The following MYO3B variants were observed in gnomAD, a reference collection of about 807,000 sequenced individuals.
MYO3B encodes the protein myosin-IIIb.
A neutral mutation model predicts 174.6 loss-of-function variants in MYO3B; 156 were observed. That is an observed-to-expected ratio of 0.89 (90% CI 0.78 to 1.02). The LOEUF is 1.02. MYO3B is among the 50% of genes least tolerant of loss of function. The probability of loss-of-function intolerance (pLI) is 0.00; values close to 1 mark genes in which losing one functional copy is unlikely to be tolerated. For missense variants in MYO3B, 1,632 were observed against 1,639.4 expected, an observed-to-expected ratio of 1.00 and a Z score of 0.08; for synonymous variants, 563 against 569.1, an observed-to-expected ratio of 0.99 and a Z score of 0.15.
At chr2:170,571,128 G>A (rs541253121) in intron 32 of MYO3B, among the ~76,000 whole-genome samples, 51 of 152,324 alleles carry the variant, frequency 3.3e-4, no homozygotes, top group African/African-American at 1.1e-3. Context: ...AGGAATAGGA[G>A]ATGTTAGTGG....
chr2:170,517,986 T>C (rs1559077240), intron 29 of MYO3B, among the ~76,000 whole-genome samples: 1 of 132,370 alleles, frequency 7.6e-6, no homozygotes, highest in Non-Finnish European at 1.5e-5. Context: ...TTGGCCATAA[T>C]GTTTGTGTGT....
chr2:170,391,621 A>T lies in MYO3B; in HGVS notation c.1676+3A>T. 6.5e-7 allele frequency: 1 copy of T among 1,533,564 alleles called. No homozygotes were observed. The highest frequency in any genetic ancestry group is 1.2e-5 in the South Asian group (1 of 83,352). The allele number at this position is 1,533,564 out of a possible 1,614,324, so 95.0% of individuals were successfully genotyped here. On this transcript the variant is annotated splice_donor_region_variant and intron_variant, in intron 15 of 34. Transcript: ENST00000408978. Reference sequence around the variant, plus strand: ...CTTCCTGAGGAAAAACCTCCTAGGTAAGTGTCAGGGGGGTTGGTTGTTAAT... The same window carrying T: ...CTTCCTGAGGAAAAACCTCCTAGGTTAGTGTCAGGGGGGTTGGTTGTTAAT...
At chr2:170,230,482 G>A (rs1382592899) in intron 6 of MYO3B, among the ~76,000 whole-genome samples, 2 of 151,126 alleles carry the variant, frequency 1.3e-5, no homozygotes, top group East Asian at 1.9e-4. Flanking sequence ...CATCCAGCCA[G>A]GGACCTAGTT....
intron 2 of MYO3B, among the ~76,000 whole-genome samples, chr2:170,199,666 C>A (rs1160176911): frequency 2.0e-5 from 3 of 152,138 alleles, no homozygotes; most frequent in Non-Finnish European, 2.9e-5. Flanking sequence ...ATTTTACTAC[C>A]TGGTCTTTCT....
At chr2:170,394,098 T>A (rs1402226191) in intron 16 of MYO3B, among the ~76,000 whole-genome samples, 1 of 152,164 alleles carries the variant, frequency 6.6e-6, no homozygotes, top group Non-Finnish European at 1.5e-5. Flanking sequence ...TTAACAGAGT[T>A]AATATTTTGT....
intron 12 of MYO3B, among the ~76,000 whole-genome samples, chr2:170,384,286 A>G (rs932721800): frequency 6.6e-6 from 1 of 152,200 alleles, no homozygotes; most frequent in African/African-American, 2.4e-5. Flanking sequence ...AAATTGTGAT[A>G]GATTGGGTAG....
intron 7 of MYO3B, among the ~76,000 whole-genome samples, chr2:170,322,084 A>T (rs940046384): frequency 2.0e-5 from 3 of 149,308 alleles, no homozygotes; most frequent in African/African-American, 7.4e-5. Flanking sequence ...ACTGTGCTCC[A>T]GCCTGGTGAA....
chr2:170,533,457 TC>T (rs2106178396), intron 30 of MYO3B, among the ~76,000 whole-genome samples: 1 of 151,510 alleles, frequency 6.6e-6, no homozygotes, highest in South Asian at 2.1e-4. Flanking sequence ...GAAAAGAACA[TC>T]CTCCAGTTAC....
intron 33 of MYO3B, 96 bp downstream of exon 33, chr2:170,651,830 C>CCACCCT: frequency 1.1e-6 from 1 of 885,550 alleles, no homozygotes; most frequent in Non-Finnish European, 1.8e-6. Flanking sequence ...AGCCCCACCC[C>CCACCCT]CACCCTCATG....
chr2:170,530,550 C>A (rs1689294957), intron 30 of MYO3B, among the ~76,000 whole-genome samples: 2 of 152,204 alleles, frequency 1.3e-5, no homozygotes, highest in Non-Finnish European at 2.9e-5. Flanking sequence ...CACATGGCCG[C>A]TCTCGGGTGC....
At chr2:170,311,775 A>G (rs925496471) in intron 7 of MYO3B, among the ~76,000 whole-genome samples, 4 of 151,910 alleles carry the variant, frequency 2.6e-5, no homozygotes, top group Admixed American at 2.6e-4. Context: ...TTTTGAGTTA[A>G]TTTTACATTT....
At chr2:170,405,489 T>C in intron 20 of MYO3B, 56 bp from the exon 21 acceptor site, 1 of 1,559,692 alleles carries the variant, frequency 6.4e-7, no homozygotes, top group East Asian at 2.3e-5. Context: ...AACAAGTTTT[T>C]GTTTGAAAGA....
chr2:170,320,072 G>T (rs2093813325), intron 7 of MYO3B, among the ~76,000 whole-genome samples: 1 of 152,192 alleles, frequency 6.6e-6, no homozygotes, highest in African/African-American at 2.4e-5. Context: ...TCCACAGTAA[G>T]AAATAAAGAG....
At position 170,331,799 on chromosome 2, in the gene MYO3B, C is replaced by G. The variant is rs191028159; in HGVS notation, c.750-3586C>G. ...TCGGCTGAGGCCCGTTTCCATCTTC[C>G]AGATGCTGCCTGCATTCCTTGGCTC... On this transcript the variant is annotated intron_variant, in intron 7 of 34. Coordinates refer to ENST00000408978, the MANE Select transcript of MYO3B (RefSeq NM_138995.5). Among the ~76,000 whole-genome samples the G allele has an allele frequency of 6.0e-4, 92 of 152,296 alleles. 1 individual carries two copies. The highest frequency in any genetic ancestry group is 2.1e-3 in the African/African-American group (86 of 41,570).
intron 5 of MYO3B, among the ~76,000 whole-genome samples, chr2:170,215,152 A>G (rs1364373386): frequency 6.6e-6 from 1 of 152,216 alleles, no homozygotes; most frequent in Non-Finnish European, 1.5e-5. Context: ...ACATTTTGTC[A>G]TTTCTTCTTT....
intron 8 of MYO3B, among the ~76,000 whole-genome samples, chr2:170,358,437 A>G (rs1365493290): frequency 6.6e-6 from 1 of 152,140 alleles, no homozygotes. Context: ...TTGAGGGAGT[A>G]TAGGGTGTGA....
intron 6 of MYO3B, among the ~76,000 whole-genome samples, chr2:170,220,628 C>CAAA (rs71006077): frequency 7.0e-5 from 6 of 85,914 alleles, no homozygotes; most frequent in African/African-American, 1.4e-4. Context: ...GATTCCGTCT[C>CAAA]AAAAAAAAAA....
chr2:170,428,274 T>C (rs189833531), intron 22 of MYO3B, among the ~76,000 whole-genome samples: 158 of 152,360 alleles, frequency 1.0e-3, no homozygotes, highest in African/African-American at 3.7e-3. Context: ...GCTTCCTCCA[T>C]TTATCTAAGC....
At chr2:170,584,126 T>C (rs1384699837) in intron 32 of MYO3B, among the ~76,000 whole-genome samples, 2 of 152,214 alleles carry the variant, frequency 1.3e-5, no homozygotes, top group Non-Finnish European at 2.9e-5. Context: ...CACCAGGCTT[T>C]TGGCCAATTA....
Sources: gnomAD v4.1 joint callset for allele counts (sites outside exome capture counted in the v4.1 genomes callset) on GRCh38, gnomAD v4.1.1 for gene constraint, MANE v1.5 for transcripts, NCBI Gene and HGNC (gene_info 2026-07-23, HGNC 2026-07-21) for gene names.